COL5A1: variants seen among roughly 807,000 people sequenced by gnomAD.
The protein encoded by COL5A1 is collagen alpha-1(V) chain.
Under a neutral mutation model 263.7 loss-of-function variants are expected in COL5A1, and 16 were observed. The ratio of observed to expected loss-of-function variants is 0.06; its 90% CI spans 0.04 to 0.09. The LOEUF (loss-of-function observed/expected upper bound fraction) is 0.09, where lower values mean the gene tolerates loss of function less well. COL5A1 is among the 10% of genes least tolerant of loss of function. The probability of loss-of-function intolerance (pLI) is 1.00; values close to 1 mark genes in which losing one functional copy is unlikely to be tolerated. For synonymous variants in COL5A1, 1,012 were observed against 1,004.5 expected (o/e 1.01, Z -0.14); for missense variants, 2,036 against 2,540.5 (o/e 0.80, Z 4.27).
In COL5A1 at chr9:134,843,251, CCT is replaced by C. The variant is rs1234619205; in HGVS notation, c.*949_*950del. On this transcript the variant is annotated 3_prime_UTR_variant, in exon 66 of 66. Transcript: ENST00000371817. ...AGGTTTGGATTAATTTTATTTGCTT[CCT>C]TTTTCCGCTTTTCTTCCCGCAGAGC... The C allele has an allele frequency of 6.6e-6, 1 of 152,232 alleles. No individual in the cohort carries two copies. The highest frequency in any genetic ancestry group is 2.4e-5 in the African/African-American group (1 of 41,322). The allele number at this position is 152,232 out of a possible 1,614,324, so 9.4% of individuals were successfully genotyped here. A position where few individuals can be genotyped will look rare whatever the true frequency, so the allele number is the denominator to read the frequency against.
chr9:134,717,250 C>T (rs143014939), intron 4 of COL5A1, among the ~76,000 whole-genome samples: 218 of 145,968 alleles, frequency 1.5e-3, no homozygotes, highest in African/African-American at 4.3e-3. Flanking sequence ...TGTCAGAATC[C>T]GCCGGGCCCA....
chr9:134,651,088 C>T (rs534625809), intron 1 of COL5A1, among the ~76,000 whole-genome samples: 2 of 152,360 alleles, frequency 1.3e-5, no homozygotes, highest in South Asian at 4.1e-4. Flanking sequence ...TCCATGGCAG[C>T]TGGGTCCCAG....
At chr9:134,711,346 T>C (rs1257857822) in intron 4 of COL5A1, among the ~76,000 whole-genome samples, 1 of 152,040 alleles carries the variant, frequency 6.6e-6, no homozygotes, top group Non-Finnish European at 1.5e-5. Context: ...GCCTGGGGTG[T>C]GGGGCTGTGT....
In COL5A1 at chr9:134,794,972, C is replaced by T. The variant is rs2132801871; in HGVS notation, c.2701-110C>T. On this transcript the variant is annotated intron_variant, in intron 32 of 65. Coordinates refer to ENST00000371817, the MANE Select transcript of COL5A1 (RefSeq NM_000093.5). The surrounding 1 kb of genome is among the most constrained non-coding windows in gnomAD (Gnocchi z 4.3). ...GTGGGTGGCGGGGAGGCCCAGGTTC[C>T]TCCTATCCTGCTCTGAATTCACAGT... The T allele has an allele frequency of 2.4e-6, 3 of 1,275,300 alleles. No homozygotes were observed. The highest frequency in any genetic ancestry group is 1.2e-5 in the South Asian group (1 of 82,500). 79.0% of individuals were successfully genotyped at this position (1,275,300 alleles called of 1,614,324 possible).
intron 4 of COL5A1, among the ~76,000 whole-genome samples, chr9:134,715,325 C>T (rs1564406808): frequency 2.0e-5 from 3 of 152,186 alleles, no homozygotes; most frequent in South Asian, 2.1e-4. Flanking sequence ...AGGCGGTTTT[C>T]CTCTATCTCA....
chr9:134,842,410 T>G lies in COL5A1; in HGVS notation c.*107T>G. The stretch of plus-strand genomic sequence containing the variant: ...ACCCTGGACAGTGAAGGCTTCTCCC[T>G]CCCCTCCCACCTGACTTCATCTACG... On this transcript the variant is annotated 3_prime_UTR_variant, in exon 66 of 66. Transcript: ENST00000371817. This position sits in a 1 kb window ranked among gnomAD's most constrained non-coding sequence, Gnocchi z 5.8. 1 of 1,362,992 alleles carries G rather than the reference T, an allele frequency of 7.3e-7. No individual in the cohort carries two copies. Among genetic ancestry groups the G allele is most frequent in the Non-Finnish European group, 1.0e-6 (1 of 981,576 alleles). The allele number at this position is 1,362,992 out of a possible 1,614,324, so 84.4% of individuals were successfully genotyped here. A position where few individuals can be genotyped will look rare whatever the true frequency, so the allele number is the denominator to read the frequency against.
rs745402969 is a variant in COL5A1, at chr9:134,691,069, G to A, written c.267G>A (p.Gln89=). The A allele has an allele frequency of 2.5e-6, 4 of 1,613,108 alleles. No individual in the cohort carries two copies. Among genetic ancestry groups the A allele is most frequent in the Non-Finnish European group, 3.4e-6 (4 of 1,180,054 alleles). ...CGCAGCTCAGCGCACCCACCAAGCA[G>A]CTGTACCCTGGTAAGTGCCGCACCC... The part of the protein sequence containing the change: ...KDAQLSAPTK[Q]LYPASAFPED... The change falls in exon 2 of 66, where the codon CAG becomes CAA. Residue 89 remains glutamine (Q), a synonymous_variant. Transcript: ENST00000371817.
At chr9:134,766,565 T>C (rs1836674569) in intron 22 of COL5A1, 67 bp downstream of exon 22, 20 of 1,509,038 alleles carry the variant, frequency 1.3e-5, no homozygotes, top group Non-Finnish European at 1.7e-5. Context: ...CTTGCCTGGC[T>C]AGGGAGGTCC....
chr9:134,816,445 AC>A, intron 52 of COL5A1, among the ~76,000 whole-genome samples: 1 of 152,084 alleles, frequency 6.6e-6, no homozygotes, highest in Non-Finnish European at 1.5e-5. Context: ...GGACGGATCG[AC>A]CCCCATGGGC....
At chr9:134,697,745 G>C (rs1028120630) in intron 2 of COL5A1, among the ~76,000 whole-genome samples, 1 of 152,128 alleles carries the variant, frequency 6.6e-6, no homozygotes, top group Non-Finnish European at 1.5e-5. Flanking sequence ...CCACTCCCTT[G>C]CCATAGGTGG....
rs1246979912 is a variant in COL5A1 at position 134,682,560 on chromosome 9, G to A, written c.110-8352G>A. ...TCCTACCACACTGCCTGGTGGGGTGGGGGAGAGCCTGCTGCCCAGGAAGGG... is the reference window on the plus strand; with the variant it reads ...TCCTACCACACTGCCTGGTGGGGTGAGGGAGAGCCTGCTGCCCAGGAAGGG... On this transcript the variant is annotated intron_variant, in intron 1 of 65. Transcript: ENST00000371817. The surrounding 1 kb of genome is among the most constrained non-coding windows in gnomAD (Gnocchi z 5.1). Among the ~76,000 whole-genome samples the A allele has an allele frequency of 6.6e-6, 1 of 152,228 alleles. No individual in the cohort carries two copies. Among genetic ancestry groups the A allele is most frequent in the South Asian group, 2.1e-4 (1 of 4,828 alleles).
At chr9:134,785,549 G>A (rs1837424620) in intron 30 of COL5A1, among the ~76,000 whole-genome samples, 1 of 152,178 alleles carries the variant, frequency 6.6e-6, no homozygotes, top group African/African-American at 2.4e-5. Flanking sequence ...GCTGTGGGAG[G>A]CTCCTGGGCC....
At chr9:134,721,036 G>T (rs1400276373) in intron 4 of COL5A1, among the ~76,000 whole-genome samples, 1 of 152,128 alleles carries the variant, frequency 6.6e-6, no homozygotes, top group Non-Finnish European at 1.5e-5. Context: ...CCAGGGTTCC[G>T]CGGGTGTCAC....
chr9:134,725,607 T>C (rs1834618962), intron 4 of COL5A1, among the ~76,000 whole-genome samples: 1 of 152,194 alleles, frequency 6.6e-6, no homozygotes, highest in Non-Finnish European at 1.5e-5. Flanking sequence ...TGTGTACACA[T>C]TGTGGTGAGA....
At chr9:134,744,921 G>A (rs1261629125) in intron 11 of COL5A1, among the ~76,000 whole-genome samples, 5 of 152,178 alleles carry the variant, frequency 3.3e-5, no homozygotes, top group Admixed American at 2.0e-4. Flanking sequence ...ACACCCAGGC[G>A]TGCACGTGCA....
chr9:134,768,261 C>T, intron 24 of COL5A1, 149 bp from the exon 25 acceptor site: 1 of 780,574 alleles, frequency 1.3e-6, no homozygotes. Context: ...TGGCTGCACG[C>T]CTCACAGCCA....
At chr9:134,812,766 G>A in intron 48 of COL5A1, 54 bp downstream of exon 48, 2 of 1,154,698 alleles carry the variant, frequency 1.7e-6, no homozygotes, top group Middle Eastern at 2.7e-4. Flanking sequence ...AGGAGTGTGT[G>A]TGTGTGTCTG....
rs1184991995 is a variant in COL5A1 at position 134,765,301 on chromosome 9, G to A, written c.2035-380G>A. Among the ~76,000 whole-genome samples the A allele has an allele frequency of 6.6e-6, 1 of 152,194 alleles. No homozygotes were observed. Among genetic ancestry groups the A allele is most frequent in the East Asian group, 1.9e-4 (1 of 5,192 alleles). On this transcript the variant is annotated intron_variant, in intron 20 of 65. Coordinates refer to ENST00000371817, the MANE Select transcript of COL5A1 (RefSeq NM_000093.5). This position sits in a 1 kb window ranked among gnomAD's most constrained non-coding sequence, Gnocchi z 5.1. ...AATTCAGGAGCGAGCCGGTAATGAG[G>A]ATAGGGCACAAGGGCTCCGTGCAGT...
At chr9:134,654,528 T>TG (rs1831852155) in intron 1 of COL5A1, among the ~76,000 whole-genome samples, 1 of 105,294 alleles carries the variant, frequency 9.5e-6, no homozygotes, top group Non-Finnish European at 1.9e-5. Context: ...TGTGCAGGGC[T>TG]GGGTGTGTGT....
Sources: allele counts gnomAD v4.1 joint callset (sites outside exome capture counted in the v4.1 genomes callset), GRCh38; gene constraint gnomAD v4.1.1; non-coding constraint Gnocchi (gnomAD v3.1); transcripts MANE v1.5; gene names NCBI Gene and HGNC (gene_info 2026-07-23, HGNC 2026-07-21).